Variants in GTPBP3 observed in about 807,000 individuals in gnomAD.
The protein encoded by GTPBP3 is GTP binding protein 3, mitochondrial.
In GTPBP3, 35 loss-of-function variants were observed where a neutral mutation model predicts 42.0. That is an observed-to-expected ratio of 0.83 (90% CI 0.64 to 1.10). The LOEUF (loss-of-function observed/expected upper bound fraction) is 1.10. Ranked by LOEUF, GTPBP3 falls within the 50% of genes least tolerant of loss-of-function variation. GTPBP3 has a pLI of 0.00. For missense variants in GTPBP3, 691 were observed against 685.2 expected (o/e 1.01, Z -0.09); for synonymous variants, 332 against 314.9 (o/e 1.05, Z -0.58).
chr19:17,341,408 G>A, intron 8 of GTPBP3, 70 bp from the exon 9 acceptor site: 3 of 1,562,288 alleles, frequency 1.9e-6, no homozygotes, highest in Non-Finnish European at 2.6e-6. Context: ...TACAAAATGG[G>A]TACAACCATT....
Position 17,339,597 on chromosome 19 carries a change from G to C in GTPBP3, c.972G>C (p.Glu324Asp). The change falls in exon 7 of 9, where the codon GAG (glutamate) becomes GAC (aspartate). Residue 324 changes from glutamate to aspartate, a missense_variant and splice_region_variant. Transcript: ENST00000324894. The part of the protein sequence containing the change: ...VEQEGVRRAR[E>D]RLEQADLILA... The stretch of plus-strand genomic sequence containing the variant: ...AGGAGGGCGTGCGGCGCGCCCGGGA[G>C]AGGTGGGCGGACAGGGTGGTGATGG... The C allele has an allele frequency of 6.2e-7, 1 of 1,600,696 alleles. No individual in the cohort carries two copies. Among genetic ancestry groups the C allele is most frequent in the Non-Finnish European group, 8.5e-7 (1 of 1,176,886 alleles).
intron 6 of GTPBP3, 56 bp from the exon 7 acceptor site, chr19:17,339,378 C>G: frequency 6.3e-7 from 1 of 1,599,022 alleles, no homozygotes; most frequent in East Asian, 2.2e-5. Flanking sequence ...GGGGTAGAAC[C>G]TGGGGGAGGA....
rs766196300 is a variant in GTPBP3 at position 17,337,979 on chromosome 19, G to A, written c.54-29G>A. On this transcript the variant is annotated intron_variant, in intron 1 of 8. Coordinates refer to ENST00000324894, the MANE Select transcript of GTPBP3 (RefSeq NM_032620.4). Reference sequence around the variant, plus strand: ...GACACTGAGGCTGAGCCTCCCAGGTGCGCTGATTCGCCTCCCCTCCGGTTC... The same window carrying A: ...GACACTGAGGCTGAGCCTCCCAGGTACGCTGATTCGCCTCCCCTCCGGTTC... 3.1e-6 allele frequency: 5 copies of A among 1,593,460 alleles called. No homozygotes were observed. In the Admixed American group the frequency reaches 8.4e-5, roughly 27 times the overall value.
In GTPBP3 at chr19:17,341,081, G is replaced by C; in HGVS notation, c.1012G>C (p.Ala338Pro). The change falls in exon 8 of 9, where the codon GCT (alanine) becomes CCT (proline). Residue 338 changes from alanine (A) to proline (P), a missense_variant. Transcript: ENST00000324894. ...QADLILAMLD[A>P]SDLASPSSCN... ...TGACCTCATTCTGGCCATGCTGGAT[G>C]CTTCTGACCTGGCCTCTCCCTCCAG... 1.2e-6 allele frequency: 2 copies of C among 1,613,850 alleles called. No homozygotes were observed. The highest frequency in any genetic ancestry group is 1.7e-6 in the Non-Finnish European group (2 of 1,180,002).
rs963955085 is a variant in GTPBP3 at position 17,342,359 on chromosome 19, C to T, written c.*656C>T. 3 of 152,254 alleles carry T rather than the reference C, an allele frequency of 2.0e-5. No individual in the cohort carries two copies. The highest frequency in any genetic ancestry group is 7.2e-5 in the African/African-American group (3 of 41,452). The allele number at this position is 152,254 out of a possible 1,614,324, so 9.4% of individuals were successfully genotyped here. A position where few individuals can be genotyped will look rare whatever the true frequency, so the allele number is the denominator to read the frequency against. On this transcript the variant is annotated 3_prime_UTR_variant, in exon 9 of 9. Coordinates refer to ENST00000324894, the MANE Select transcript of GTPBP3 (RefSeq NM_032620.4). Reference sequence around the variant, plus strand: ...CTCGGCTTACTGCAACCTCCACCTCCCGGGTTCAAGTGATTCTCCTGCCTC... The same window carrying T: ...CTCGGCTTACTGCAACCTCCACCTCTCGGGTTCAAGTGATTCTCCTGCCTC...
chr19:17,335,469 A>G (rs1280613705), upstream of GTPBP3, among the ~76,000 whole-genome samples: 1 of 152,104 alleles, frequency 6.6e-6, no homozygotes. Flanking sequence ...CTGAGGCAGG[A>G]GAATCGCTTG....
upstream of GTPBP3, among the ~76,000 whole-genome samples, chr19:17,335,623 T>C (rs774949953): frequency 1.3e-5 from 2 of 152,164 alleles, no homozygotes; most frequent in African/African-American, 2.4e-5. Flanking sequence ...TGGGACATAC[T>C]AGTACTAAAA....
At chr19:17,339,355 T>G in intron 6 of GTPBP3, 79 bp from the exon 7 acceptor site, 1 of 1,584,998 alleles carries the variant, frequency 6.3e-7, no homozygotes, top group Non-Finnish European at 8.6e-7. Context: ...GGTCTAAAGC[T>G]CCCTCCAGAC....
chr19:17,340,798 C>CTGCTGCT, intron 7 of GTPBP3: 10 of 561,134 alleles, frequency 1.8e-5, no homozygotes, highest in Admixed American at 6.5e-5. Flanking sequence ...GCTCCCGCAC[C>CTGCTGCT]GTGACCGCTC....
At chr19:17,338,877 G>A in intron 4 of GTPBP3, 77 bp from the exon 5 acceptor site, 1 of 1,541,612 alleles carries the variant, frequency 6.5e-7, no homozygotes. Context: ...GGCCCCTGAA[G>A]TCGGGCTGGA....
At position 17,341,776 on chromosome 19, in the gene GTPBP3, C is replaced by A; in HGVS notation, c.*73C>A. ...TCGGGGGATCTGGAAACAGTTTAGG[C>A]CAATTGGGATTCTCATTCGCCTGGG... On this transcript the variant is annotated 3_prime_UTR_variant, in exon 9 of 9. Coordinates refer to ENST00000324894, the MANE Select transcript of GTPBP3 (RefSeq NM_032620.4). 2 of 1,296,952 alleles carry A rather than the reference C, an allele frequency of 1.5e-6. No individual in the cohort carries two copies. The highest frequency in any genetic ancestry group is 1.5e-5 in the African/African-American group (1 of 67,428). The allele number at this position is 1,296,952 out of a possible 1,614,324, so 80.3% of individuals were successfully genotyped here. A position where few individuals can be genotyped will look rare whatever the true frequency, so the allele number is the denominator to read the frequency against.
chr19:17,338,473 G>A, intron 3 of GTPBP3, 22 bp downstream of exon 3: 1 of 1,613,754 alleles, frequency 6.2e-7, no homozygotes, highest in Non-Finnish European at 8.5e-7. Flanking sequence ...CGTTGGGTGA[G>A]ATGCTTGGTC....
rs776944556 is a variant in GTPBP3, at chr19:17,339,588, C to T, written c.963C>T (p.Arg321=). ...CCGTGGAGCAGGAGGGCGTGCGGCG[C>T]GCCCGGGAGAGGTGGGCGGACAGGG... ...VGPVEQEGVR[R]ARERLEQADL... The change falls in exon 7 of 9, where the codon CGC becomes CGT. Residue 321 remains arginine, a synonymous_variant. Transcript: ENST00000324894. 8.7e-6 allele frequency: 14 copies of T among 1,606,206 alleles called. No individual in the cohort carries two copies. The highest frequency in any genetic ancestry group is 1.1e-5 in the Non-Finnish European group (13 of 1,178,410).
At position 17,341,721 on chromosome 19, in the gene GTPBP3, G is replaced by A. The variant is rs756870655; in HGVS notation, c.*18G>A. 14 of 1,547,680 alleles carry A rather than the reference G, an allele frequency of 9.0e-6. No homozygotes were observed. In the Admixed American group the frequency reaches 9.3e-5, roughly 10 times the overall value. ...GCAAGTGACGGGATCCAGGGAAGTC[G>A]CACCCAAGCTGCGTGGAGACCCAGG... On this transcript the variant is annotated 3_prime_UTR_variant, in exon 9 of 9. Transcript: ENST00000324894.
rs1279149708 is a variant in GTPBP3, at chr19:17,337,621, G to A, written c.10G>A (p.Gly4Arg). MWR[G>R]LWTLAAQAAR... ...CGCAGGTTGTAAATCCATGTGGCGGGGGCTTTGGACCCTGGCGGCCCAAGC... is the reference window on the plus strand; with the variant it reads ...CGCAGGTTGTAAATCCATGTGGCGGAGGCTTTGGACCCTGGCGGCCCAAGC... The change falls in exon 1 of 9, where the codon GGG becomes AGG. Residue 4 changes from glycine (G) to arginine (R), a missense_variant. Gly to Arg is a moderately radical substitution (Grantham distance 125). Coordinates refer to ENST00000324894, the MANE Select transcript of GTPBP3 (RefSeq NM_032620.4). 6 of 1,326,772 alleles carry A rather than the reference G, an allele frequency of 4.5e-6. No individual in the cohort carries two copies. Among genetic ancestry groups the A allele is most frequent in the African/African-American group, 1.5e-5 (1 of 64,900 alleles). The allele number at this position is 1,326,772 out of a possible 1,614,324, so 82.2% of individuals were successfully genotyped here.
Position 17,338,050 on chromosome 19 carries a change from C to T in GTPBP3, c.96C>T (p.Ser32=), listed in dbSNP as rs1281234789. 1 of 1,597,938 alleles carries T rather than the reference C, an allele frequency of 6.3e-7. No homozygotes were observed. The highest frequency in any genetic ancestry group is 1.3e-5 in the African/African-American group (1 of 75,014). The stretch of plus-strand genomic sequence containing the variant: ...GCAGCGGCGCACCAGCCCCCGGCTC[C>T]GGCGCCACCATCTTCGCGCTAAGCT... ...RRSSGAPAPG[S]GATIFALSSG... The change falls in exon 2 of 9, where the codon TCC becomes TCT. Residue 32 remains serine (S), a synonymous_variant. Coordinates refer to ENST00000324894, the MANE Select transcript of GTPBP3 (RefSeq NM_032620.4).
At chr19:17,335,052 G>T, upstream of GTPBP3, 2 of 1,536,028 alleles carry the variant, frequency 1.3e-6, no homozygotes, top group South Asian at 1.2e-5. Flanking sequence ...TCTGGTCCCC[G>T]CCTCGGAGCC....
intron 7 of GTPBP3, 139 bp downstream of exon 7, chr19:17,339,738 CTTTTTTTTT>C (rs34014252): frequency 1.8e-5 from 9 of 490,132 alleles, no homozygotes; most frequent in African/African-American, 9.1e-5. Context: ...GGATTTGGTT[CTTTTTTTTT>C]TTTTTTTTTT....
rs200027460 is a variant in GTPBP3 at position 17,341,299 on chromosome 19, G to A, written c.1230G>A (p.Ala410=). 1,508 of 1,603,252 alleles carry A rather than the reference G, an allele frequency of 9.4e-4. 16 individuals carry two copies. The highest frequency in any genetic ancestry group is 1.4e-4 in the Non-Finnish European group (163 of 1,178,880). ...AGGGGCTGGACGGCCTCCTGGAGGC[G>A]CTGAGGAAGGAGCTAGCTGCAGTGT... ...TGEGLDGLLE[A]LRKELAAVCG... Residue 410 remains alanine (A), a synonymous_variant, in exon 8 of 9, where the codon GCG becomes GCA. Transcript: ENST00000324894.
Sources: allele counts gnomAD v4.1 joint callset (sites outside exome capture counted in the v4.1 genomes callset), GRCh38; gene constraint gnomAD v4.1.1; transcripts MANE v1.5; gene names NCBI Gene and HGNC (gene_info 2026-07-23, HGNC 2026-07-21).